The following SEPTIN11 variants were observed in gnomAD, a reference collection of about 807,000 sequenced individuals.
SEPTIN11 encodes the protein septin 11.
In SEPTIN11, 25 loss-of-function variants were observed where a neutral mutation model predicts 51.4. That is an observed-to-expected ratio of 0.49 (90% confidence interval 0.35 to 0.68). The LOEUF is 0.68. SEPTIN11 is among the 30% of genes least tolerant of loss of function. The probability of loss-of-function intolerance (pLI) is 0.00; values close to 1 mark genes in which losing one functional copy is unlikely to be tolerated. For synonymous variants in SEPTIN11, 174 were observed against 184.1 expected (o/e 0.95, Z 0.44); for missense variants, 381 against 520.8 (o/e 0.73, Z 2.61).
intron 1 of SEPTIN11, among the ~76,000 whole-genome samples, chr4:76,977,191 C>A (rs1722540839): frequency 6.6e-6 from 1 of 151,138 alleles, no homozygotes; most frequent in Middle Eastern, 3.2e-3. Context: ...GAATGCTCTC[C>A]CCTTTGTTAC....
intron 1 of SEPTIN11, among the ~76,000 whole-genome samples, chr4:76,988,911 T>C (rs1175673278): frequency 6.6e-6 from 1 of 152,238 alleles, no homozygotes; most frequent in African/African-American, 2.4e-5. Context: ...GCATAACTGA[T>C]AGAAACTCCC....
At chr4:77,010,929 T>C (rs1724819218) in intron 3 of SEPTIN11, among the ~76,000 whole-genome samples, 1 of 152,210 alleles carries the variant, frequency 6.6e-6, no homozygotes, top group Non-Finnish European at 1.5e-5. Context: ...GGAATGTGTA[T>C]CCCCAATATG....
chr4:76,975,373 C>T (rs1473576117), intron 1 of SEPTIN11, among the ~76,000 whole-genome samples: 2 of 152,192 alleles, frequency 1.3e-5, no homozygotes, highest in South Asian at 4.2e-4. Context: ...AAGTACTTCC[C>T]GTAGCCATTC....
At chr4:77,023,410 T>C (rs924105504) in intron 7 of SEPTIN11, among the ~76,000 whole-genome samples, 4 of 148,810 alleles carry the variant, frequency 2.7e-5, no homozygotes, top group Admixed American at 6.7e-5. Context: ...TACACACACA[T>C]ATATATTACC....
chr4:77,007,758 TA>T (rs1394423642), intron 3 of SEPTIN11, among the ~76,000 whole-genome samples: 2 of 152,258 alleles, frequency 1.3e-5, no homozygotes, highest in African/African-American at 4.8e-5. Flanking sequence ...AAATGGCACT[TA>T]AAACTCTCTG....
intron 1 of SEPTIN11, among the ~76,000 whole-genome samples, chr4:76,986,179 CTG>C (rs1723017586): frequency 6.6e-6 from 1 of 151,950 alleles, no homozygotes; most frequent in East Asian, 1.9e-4. Flanking sequence ...AGGTCTATAA[CTG>C]TGCAGATTTT....
At chr4:77,021,474 C>CA (rs1037070983) in intron 7 of SEPTIN11, 8 of 151,956 alleles carry the variant, frequency 5.3e-5, no homozygotes, top group Non-Finnish European at 1.2e-4. Context: ...AGTTTTCTTT[C>CA]TTTTTTTTTG....
chr4:76,986,658 C>T (rs534203452), intron 1 of SEPTIN11, among the ~76,000 whole-genome samples: 10 of 152,198 alleles, frequency 6.6e-5, no homozygotes, highest in South Asian at 2.1e-4. Flanking sequence ...TCCACTTTTC[C>T]GATTCCTCCT....
intron 4 of SEPTIN11, among the ~76,000 whole-genome samples, chr4:77,014,548 A>C (rs914200076): frequency 6.6e-6 from 1 of 152,162 alleles, no homozygotes; most frequent in Non-Finnish European, 1.5e-5. Context: ...GTATACTTTC[A>C]GTGCAGGATG....
chr4:76,956,993 T>TGAGAGA (rs149722958), intron 1 of SEPTIN11, among the ~76,000 whole-genome samples: 20 of 98,582 alleles, frequency 2.0e-4, no homozygotes, highest in African/African-American at 6.5e-4. Context: ...TGTGTGTGTG[T>TGAGAGA]GAGAGAGAGA....
At chr4:76,969,143 C>A (rs1252823029) in intron 1 of SEPTIN11, among the ~76,000 whole-genome samples, 2 of 152,150 alleles carry the variant, frequency 1.3e-5, no homozygotes, top group Admixed American at 1.3e-4. Context: ...CCAACAGAAG[C>A]AAGTTGGCGG....
chr4:77,011,382 A>T (rs749189086), intron 3 of SEPTIN11, among the ~76,000 whole-genome samples: 5 of 152,116 alleles, frequency 3.3e-5, no homozygotes, highest in African/African-American at 1.2e-4. Flanking sequence ...CCCTTGGGGG[A>T]GTGGCAGTCA....
chr4:76,984,783 C>T lies in SEPTIN11; in HGVS notation c.28-11642C>T, dbSNP rs903986179. On this transcript the variant is annotated intron_variant, in intron 1 of 9. Transcript: ENST00000264893. This position sits in a 1 kb window ranked among gnomAD's most constrained non-coding sequence, Gnocchi z 4.1. The stretch of plus-strand genomic sequence containing the variant: ...GGGTGGTTTTATGCTCTGCAAGAGA[C>T]GTGATATGTCTTAAATGGAACTGGG... Among the ~76,000 whole-genome samples the T allele has an allele frequency of 2.6e-5, 4 of 151,392 alleles. No homozygotes were observed. The highest frequency in any genetic ancestry group is 4.4e-5 in the Non-Finnish European group (3 of 68,018).
At position 77,035,257 on chromosome 4, in the gene SEPTIN11, G is replaced by T. The variant is rs1471568343; in HGVS notation, c.*745G>T. ...CCTCTCACAGATAGAGGTCTTAAAG[G>T]TTGGATCATGTAACATTGCTTAGTA... is the stretch of plus-strand genomic sequence containing the variant. On this transcript the variant is annotated 3_prime_UTR_variant, in exon 10 of 10. Coordinates refer to ENST00000264893, the MANE Select transcript of SEPTIN11 (RefSeq NM_018243.4). 6 of 985,186 alleles carry T rather than the reference G, an allele frequency of 6.1e-6. No homozygotes were observed. The highest frequency in any genetic ancestry group is 4.7e-5 in the South Asian group (1 of 21,282). The allele number at this position is 985,186 out of a possible 1,614,324, so 61.0% of individuals were successfully genotyped here. A position where few individuals can be genotyped will look rare whatever the true frequency, so the allele number is the denominator to read the frequency against.
chr4:77,012,940 A>G (rs989707174), intron 4 of SEPTIN11, among the ~76,000 whole-genome samples: 2 of 152,126 alleles, frequency 1.3e-5, no homozygotes, highest in African/African-American at 4.8e-5. Context: ...CCTTCATCCC[A>G]TCTGATTCCT....
intron 8 of SEPTIN11, among the ~76,000 whole-genome samples, 183 bp from the exon 9 acceptor site, chr4:77,030,599 CT>C (rs1440913797): frequency 6.6e-6 from 1 of 151,854 alleles, no homozygotes; most frequent in Non-Finnish European, 1.5e-5. Context: ...GTTTCACCAT[CT>C]TGGCCAGGCT....
At chr4:77,039,850 G>T, downstream of SEPTIN11, 1 of 607,678 alleles carries the variant, frequency 1.6e-6, no homozygotes, top group Non-Finnish European at 2.1e-6. Flanking sequence ...CCTTATATAA[G>T]TTGTTTTGGA....
At chr4:77,006,517 A>T (rs1724485566) in intron 3 of SEPTIN11, among the ~76,000 whole-genome samples, 1 of 152,206 alleles carries the variant, frequency 6.6e-6, no homozygotes, top group African/African-American at 2.4e-5. Context: ...TACATAGTAC[A>T]TTCATTCTCA....
rs762611083 is a variant in SEPTIN11, at chr4:77,005,592, G to A, written c.143-9G>A. 6.2e-7 allele frequency: 1 copy of A among 1,607,528 alleles called. No individual in the cohort carries two copies. Among genetic ancestry groups the A allele is most frequent in the Non-Finnish European group, 8.5e-7 (1 of 1,176,258 alleles). On this transcript the variant is annotated splice_polypyrimidine_tract_variant and intron_variant, in intron 2 of 9. Transcript: ENST00000264893. ...CACATTCTCTGATTTTTCTTTTGTGGTTATGTAGGTGAGACAGGCATTGGC... is the reference window on the plus strand; with the variant it reads ...CACATTCTCTGATTTTTCTTTTGTGATTATGTAGGTGAGACAGGCATTGGC...
Sources: allele counts gnomAD v4.1 joint callset (sites outside exome capture counted in the v4.1 genomes callset), GRCh38; gene constraint gnomAD v4.1.1; non-coding constraint Gnocchi (gnomAD v3.1); transcripts MANE v1.5; gene names NCBI Gene and HGNC (gene_info 2026-07-23, HGNC 2026-07-21).